Variants in ADAM2 observed in about 807,000 individuals in gnomAD.
ADAM2 encodes ADAM metallopeptidase domain 2.
ADAM2 carries 101 observed loss-of-function variants against 99.3 expected under a neutral mutation model. The observed-to-expected ratio is 1.02, with a 90% CI of 0.87 to 1.20. ADAM2 has a LOEUF of 1.20. Among genes scored for constraint, ADAM2 ranks in the 50% most tolerant of loss-of-function variants. The pLI is 0.00. For missense variants in ADAM2, 948 were observed against 878.7 expected (o/e 1.08, Z -1.00); for synonymous variants, 323 against 287.6 (o/e 1.12, Z -1.25).
chr8:39,821,173 A>G lies in ADAM2; in HGVS notation c.345-3T>C. On this transcript the variant is annotated splice_region_variant and splice_polypyrimidine_tract_variant and intron_variant, in intron 5 of 20. Transcript: ENST00000265708. Reference sequence around the variant, plus strand: ...CATTTTCAAACTGTAGTACGCCCCTAAAAATTTCAAAAAAAAATTAATAAG... The same window carrying G: ...CATTTTCAAACTGTAGTACGCCCCTGAAAATTTCAAAAAAAAATTAATAAG... 6.5e-7 allele frequency: 1 copy of G among 1,545,154 alleles called. No homozygotes were observed. Among genetic ancestry groups the G allele is most frequent in the Non-Finnish European group, 8.7e-7 (1 of 1,148,054 alleles).
At chr8:39,836,438 TA>T (rs1216527617) in intron 2 of ADAM2, among the ~76,000 whole-genome samples, 1 of 152,086 alleles carries the variant, frequency 6.6e-6, no homozygotes, top group Non-Finnish European at 1.5e-5. Context: ...AAAAATGATT[TA>T]AATAACATCT....
intron 15 of ADAM2, among the ~76,000 whole-genome samples, chr8:39,760,084 C>G (rs1802291355): frequency 6.6e-6 from 1 of 152,044 alleles, no homozygotes; most frequent in South Asian, 2.1e-4. Flanking sequence ...CCAGGCTGGT[C>G]TCTAACTCCT....
rs761170628 is a variant in ADAM2 at position 39,749,362 on chromosome 8, C to A, written c.1964G>T (p.Ser655Ile). 3 of 1,613,194 alleles carry A rather than the reference C, an allele frequency of 1.9e-6. No homozygotes were observed. The highest frequency in any genetic ancestry group is 1.7e-6 in the Non-Finnish European group (2 of 1,179,386). ...AGGTGGAAAATTGCCACTGTCAATA[C>A]TCCCACCAGGCCATAGATCTGATTG... ...SVQSDLWPGG[S>I]IDSGNFPPVA... Residue 655 changes from serine (S) to isoleucine (I), a missense_variant, in exon 18 of 21, where the codon AGT becomes ATT. Coordinates refer to ENST00000265708, the MANE Select transcript of ADAM2 (RefSeq NM_001464.5).
intron 6 of ADAM2, among the ~76,000 whole-genome samples, chr8:39,811,786 TAAG>T (rs2129587156): frequency 6.6e-6 from 1 of 152,252 alleles, no homozygotes; most frequent in East Asian, 1.9e-4. Flanking sequence ...CTCAAAATAA[TAAG>T]AGCTATTTAT....
chr8:39,758,751 A>G (rs1169616325), intron 15 of ADAM2, among the ~76,000 whole-genome samples: 3 of 152,058 alleles, frequency 2.0e-5, no homozygotes, highest in Admixed American at 6.6e-5. Context: ...AAAATTTGGA[A>G]GTTATTAAAA....
intron 3 of ADAM2, among the ~76,000 whole-genome samples, chr8:39,826,654 C>T (rs1333410598): frequency 6.7e-6 from 1 of 150,090 alleles, no homozygotes; most frequent in Non-Finnish European, 1.5e-5. Flanking sequence ...ACCCAGGAGG[C>T]AGAGCTTGCA....
intron 14 of ADAM2, among the ~76,000 whole-genome samples, chr8:39,764,430 G>A (rs1802484088): frequency 6.6e-6 from 1 of 152,172 alleles, no homozygotes; most frequent in African/African-American, 2.4e-5. Flanking sequence ...AGAAGGGAGG[G>A]GAGTCCTGTT....
At chr8:39,809,494 A>C (rs2129586959) in intron 6 of ADAM2, 28 bp from the exon 7 acceptor site, 1 of 1,125,352 alleles carries the variant, frequency 8.9e-7, no homozygotes. Context: ...TTTTACATCA[A>C]AATTACAGAA....
intron 7 of ADAM2, among the ~76,000 whole-genome samples, chr8:39,806,971 T>C (rs1361564121): frequency 6.6e-6 from 1 of 152,004 alleles, no homozygotes; most frequent in Admixed American, 6.6e-5. Flanking sequence ...GCGCTAATAA[T>C]AGAGAAGAGG....
At chr8:39,834,805 A>G (rs1377410287) in intron 2 of ADAM2, among the ~76,000 whole-genome samples, 3 of 148,660 alleles carry the variant, frequency 2.0e-5, no homozygotes, top group Non-Finnish European at 3.0e-5. Context: ...AGGGTTTTTC[A>G]TAACTGGCCT....
At chr8:39,753,618 G>T (rs934455967) in intron 16 of ADAM2, among the ~76,000 whole-genome samples, 3 of 152,112 alleles carry the variant, frequency 2.0e-5, no homozygotes, top group Non-Finnish European at 2.9e-5. Context: ...CCTGGGCAGG[G>T]CCCAGGGTCC....
rs921821836 is a variant in ADAM2 at position 39,789,487 on chromosome 8, C to G, written c.571-747G>C. Among the ~76,000 whole-genome samples, 68 of 151,730 alleles carry G rather than the reference C, an allele frequency of 4.5e-4. 1 individual carries two copies. Among genetic ancestry groups the G allele is most frequent in the South Asian group, 1.2e-3 (6 of 4,814 alleles). ...GAAAAATGAAAATTATTCAGAATGTCCATAACAATTTTAAATAAGAACAAA... is the reference window on the plus strand; with the variant it reads ...GAAAAATGAAAATTATTCAGAATGTGCATAACAATTTTAAATAAGAACAAA... On this transcript the variant is annotated intron_variant, in intron 7 of 20. Coordinates refer to ENST00000265708, the MANE Select transcript of ADAM2 (RefSeq NM_001464.5).
chr8:39,749,241 ATTAT>A, intron 18 of ADAM2, 67 bp downstream of exon 18: 29 of 1,380,076 alleles, frequency 2.1e-5, no homozygotes, highest in South Asian at 4.0e-5. Context: ...TAGACAAAAT[ATTAT>A]TTGTTATCCA....
Position 39,746,477 on chromosome 8 carries a change from G to C in ADAM2, c.2169C>G (p.Ser723Arg). Residue 723 changes from serine (S) to arginine (R), a missense_variant, in exon 19 of 21, where the codon AGC becomes AGG. Transcript: ENST00000265708. ...TAAATATGAAATCAATATACTCATCGCTTGAATAGTCCTCAGTTCTCCATT... is the reference window on the plus strand; with the variant it reads ...TAAATATGAAATCAATATACTCATCCCTTGAATAGTCCTCAGTTCTCCATT... ...RKKWRTEDYS[S>R]DEQPESESEP... The C allele has an allele frequency of 6.4e-7, 1 of 1,561,928 alleles. No homozygotes were observed. Among genetic ancestry groups the C allele is most frequent in the Non-Finnish European group, 8.6e-7 (1 of 1,157,814 alleles).
At chr8:39,750,555 A>G (rs1026465544) in intron 16 of ADAM2, among the ~76,000 whole-genome samples, 7 of 152,182 alleles carry the variant, frequency 4.6e-5, no homozygotes, top group Non-Finnish European at 8.8e-5. Context: ...TAGCCTATAG[A>G]TACAAAGTTA....
intron 7 of ADAM2, among the ~76,000 whole-genome samples, chr8:39,801,421 C>T (rs1804205553): frequency 6.6e-6 from 1 of 152,160 alleles, no homozygotes; most frequent in Admixed American, 6.5e-5. Context: ...CCTTGAGGGG[C>T]ACCAACCTGA....
chr8:39,788,281 CAAA>C, intron 8 of ADAM2, 30 bp from the exon 9 acceptor site: 1 of 1,370,570 alleles, frequency 7.3e-7, no homozygotes, highest in Non-Finnish European at 9.7e-7. Context: ...AAAGTGTGCT[CAAA>C]AGTCACAGTT....
At chr8:39,832,484 C>T (rs1805656312) in intron 3 of ADAM2, among the ~76,000 whole-genome samples, 2 of 152,168 alleles carry the variant, frequency 1.3e-5, no homozygotes, top group Admixed American at 1.3e-4. Context: ...ACTTTATTCT[C>T]ATCTGATGCA....
At chr8:39,835,495 C>T (rs914859452) in intron 2 of ADAM2, among the ~76,000 whole-genome samples, 3 of 151,926 alleles carry the variant, frequency 2.0e-5, no homozygotes, top group African/African-American at 7.3e-5. Context: ...CCATCCTGAC[C>T]AACGGTGAAA....
Sources: allele counts gnomAD v4.1 joint callset (sites outside exome capture counted in the v4.1 genomes callset), GRCh38; gene constraint gnomAD v4.1.1; transcripts MANE v1.5; gene names NCBI Gene and HGNC (gene_info 2026-07-23, HGNC 2026-07-21).